Variants in GNB1 observed in about 807,000 individuals in gnomAD.
GNB1 encodes the protein G protein subunit beta 1, also known as guanine nucleotide-binding protein G(I)/G(S)/G(T) subunit beta-1.
GNB1 carries 2 observed loss-of-function variants against 42.9 expected under a neutral mutation model. The ratio of observed to expected loss-of-function variants is 0.05; its 90% CI spans 0.02 to 0.15. The LOEUF is 0.15. Among genes scored for constraint, GNB1 ranks in the 10% least tolerant of loss-of-function variants. The probability of loss-of-function intolerance (pLI) is 1.00; values close to 1 mark genes in which losing one functional copy is unlikely to be tolerated. For missense variants in GNB1, 193 were observed against 462.2 expected (o/e 0.42, Z 5.34); for synonymous variants, 183 against 174.7 (o/e 1.05, Z -0.38).
rs373972109 is a variant in GNB1 at position 1,878,611 on chromosome 1, C to A, written c.-96+12209G>T. ...TCCGCCATCTTTTTCAGCACACAGC[C>A]TTTTCCACTGTCGCATAGGTAACAT... On this transcript the variant is annotated intron_variant, in intron 1 of 11. Coordinates refer to ENST00000378609, the MANE Select transcript of GNB1 (RefSeq NM_002074.5). 8.5e-5 allele frequency among the ~76,000 whole-genome samples: 13 copies of A among 152,302 alleles called. 1 individual carries two copies. Among genetic ancestry groups the A allele is most frequent in the Admixed American group, 2.6e-4 (4 of 15,284 alleles).
At chr1:1,830,974 G>A (rs1477485054) in intron 2 of GNB1, among the ~76,000 whole-genome samples, 1 of 152,136 alleles carries the variant, frequency 6.6e-6, no homozygotes, top group Admixed American at 6.6e-5. Flanking sequence ...GACCAGCCTG[G>A]CCAACGTGGT....
At chr1:1,831,014 A>G (rs1647068522) in intron 2 of GNB1, among the ~76,000 whole-genome samples, 1 of 152,076 alleles carries the variant, frequency 6.6e-6, no homozygotes, top group African/African-American at 2.4e-5. Context: ...AAAATACAAA[A>G]ATTAGCCAGG....
intron 1 of GNB1, among the ~76,000 whole-genome samples, chr1:1,852,040 T>C (rs984426630): frequency 1.3e-5 from 2 of 150,412 alleles, no homozygotes; most frequent in Non-Finnish European, 3.0e-5. Flanking sequence ...CGAAACTCCG[T>C]CTCAAAAAAA....
chr1:1,836,071 CAG>C (rs1326503817), intron 2 of GNB1, among the ~76,000 whole-genome samples: 1 of 151,764 alleles, frequency 6.6e-6, no homozygotes, highest in Non-Finnish European at 1.5e-5. Flanking sequence ...GTCTAAGAGA[CAG>C]AGTGAGACCC....
At chr1:1,810,410 C>T (rs1009648567) in intron 5 of GNB1, among the ~76,000 whole-genome samples, 1 of 151,690 alleles carries the variant, frequency 6.6e-6, no homozygotes, top group Non-Finnish European at 1.5e-5. Context: ...GTGATGTGCA[C>T]CTGTGGTACC....
chr1:1,847,792 G>A lies in GNB1; in HGVS notation c.-95-8554C>T, dbSNP rs148637983. On this transcript the variant is annotated intron_variant, in intron 1 of 11. Transcript: ENST00000378609. ...TGTGCATATGCTTTTAAAAGGGTAG[G>A]GGGGTGGGTAAGGACTTCAACATGT... is the stretch of plus-strand genomic sequence containing the variant. 1.2e-3 allele frequency among the ~76,000 whole-genome samples: 177 copies of A among 152,246 alleles called. 1 individual carries two copies. The highest frequency in any genetic ancestry group is 4.2e-3 in the African/African-American group (175 of 41,558).
intron 1 of GNB1, 85 bp downstream of exon 1, chr1:1,890,735 T>TGGGGTG (rs1650456832): frequency 6.9e-6 from 1 of 144,500 alleles, no homozygotes; most frequent in Non-Finnish European, 1.5e-5. Flanking sequence ...GACCGGCGGG[T>TGGGGTG]GGGGTGGGGG....
intron 1 of GNB1, among the ~76,000 whole-genome samples, chr1:1,851,619 C>T (rs143981450): frequency 1.3e-5 from 2 of 152,162 alleles, no homozygotes; most frequent in Non-Finnish European, 2.9e-5. Context: ...CCTCACTACT[C>T]ACACCTAGAG....
At chr1:1,851,891 A>G (rs866545530) in intron 1 of GNB1, among the ~76,000 whole-genome samples, 37 of 151,716 alleles carry the variant, frequency 2.4e-4, no homozygotes, top group African/African-American at 8.5e-4. Flanking sequence ...TAAAAATACG[A>G]AATCAGCCGG....
chr1:1,806,385 T>C, intron 6 of GNB1, 90 bp downstream of exon 6: 1 of 782,028 alleles, frequency 1.3e-6, no homozygotes. Flanking sequence ...TTCCCTATCC[T>C]GTATTACGTG....
intron 2 of GNB1, among the ~76,000 whole-genome samples, chr1:1,825,916 G>A (rs1646992172): frequency 1.3e-5 from 2 of 151,230 alleles, no homozygotes; most frequent in Admixed American, 6.6e-5. Flanking sequence ...ACAAACCAGA[G>A]AACTTTTCTT....
intron 1 of GNB1, among the ~76,000 whole-genome samples, chr1:1,874,335 T>C (rs72911014): frequency 0.017 from 2,535 of 152,034 alleles, 62 homozygotes; most frequent in African/African-American, 0.057. Context: ...CCGGGCGTGG[T>C]GGCTCACGCG....
At chr1:1,816,731 C>G (rs1438425269) in intron 4 of GNB1, among the ~76,000 whole-genome samples, 2 of 148,844 alleles carry the variant, frequency 1.3e-5, no homozygotes, top group Non-Finnish European at 3.0e-5. Flanking sequence ...TCACTGCAAC[C>G]TCTGCCTCCC....
chr1:1,795,310 C>T (rs948786090), intron 7 of GNB1, among the ~76,000 whole-genome samples: 1 of 152,210 alleles, frequency 6.6e-6, no homozygotes, highest in South Asian at 2.1e-4. Context: ...ACCCCCACCC[C>T]GTCAGATGCC....
chr1:1,830,540 C>T (rs571380124), intron 2 of GNB1, among the ~76,000 whole-genome samples: 4 of 152,168 alleles, frequency 2.6e-5, no homozygotes, highest in Admixed American at 1.3e-4. Flanking sequence ...TGAGCCACCG[C>T]GCCCAGCCTT....
intron 6 of GNB1, among the ~76,000 whole-genome samples, chr1:1,805,771 A>C (rs1046931343): frequency 9.9e-5 from 15 of 151,910 alleles, no homozygotes; most frequent in African/African-American, 3.6e-4. Flanking sequence ...CAAACTCCTG[A>C]CCTCAGGTGA....
At chr1:1,809,174 T>C (rs1195195044) in intron 5 of GNB1, among the ~76,000 whole-genome samples, 1 of 149,958 alleles carries the variant, frequency 6.7e-6, no homozygotes, top group Non-Finnish European at 1.5e-5. Context: ...CCCATCCTAT[T>C]ATTTTTCAGA....
At chr1:1,872,641 C>G (rs1649309046) in intron 1 of GNB1, among the ~76,000 whole-genome samples, 1 of 152,176 alleles carries the variant, frequency 6.6e-6, no homozygotes, top group Non-Finnish European at 1.5e-5. Flanking sequence ...CATAGGGGCT[C>G]CTTGCCTACC....
intron 2 of GNB1, among the ~76,000 whole-genome samples, chr1:1,837,702 G>A (rs1478444058): frequency 6.6e-6 from 1 of 151,376 alleles, no homozygotes; most frequent in African/African-American, 2.4e-5. Context: ...TGGACTACAG[G>A]GGCGTGCCAC....
Sources: gnomAD v4.1 joint callset for allele counts (sites outside exome capture counted in the v4.1 genomes callset) on GRCh38, gnomAD v4.1.1 for gene constraint, MANE v1.5 for transcripts, NCBI Gene and HGNC (gene_info 2026-07-23, HGNC 2026-07-21) for gene names.